Variants in CDH23 observed in about 807,000 individuals in gnomAD.
CDH23 encodes cadherin-23.
Under a neutral mutation model 317.1 loss-of-function variants are expected in CDH23, and 189 were observed. The observed-to-expected ratio is 0.60, with a 90% confidence interval of 0.53 to 0.67. The LOEUF (loss-of-function observed/expected upper bound fraction) is 0.67, where lower values mean the gene tolerates loss of function less well. Ranked by LOEUF, CDH23 falls within the 30% of genes least tolerant of loss-of-function variation. The pLI, the probability that CDH23 is intolerant of heterozygous loss-of-function variation, is 0.00. For missense variants in CDH23, 4,401 were observed against 4,592.4 expected, an observed-to-expected ratio of 0.96 and a Z score of 1.20; for synonymous variants, 1,839 against 1,876.8, an observed-to-expected ratio of 0.98 and a Z score of 0.52.
At chr10:71,518,958 C>T (rs1024511193) in intron 6 of CDH23, among the ~76,000 whole-genome samples, 16 of 152,334 alleles carry the variant, frequency 1.1e-4, no homozygotes, top group Admixed American at 3.3e-4. Context: ...AGGCTGTGGG[C>T]GTCCTCCACC....
intron 6 of CDH23, among the ~76,000 whole-genome samples, chr10:71,543,155 C>T (rs1323401179): frequency 2.0e-5 from 3 of 152,218 alleles, no homozygotes; most frequent in Admixed American, 1.3e-4. Flanking sequence ...CACCAAGGCC[C>T]GGAGAGCTGA....
At chr10:71,450,406 C>T (rs1850378058) in intron 3 of CDH23, among the ~76,000 whole-genome samples, 1 of 151,956 alleles carries the variant, frequency 6.6e-6, no homozygotes, top group African/African-American at 2.4e-5. Context: ...GCTGGGATTA[C>T]AGGCACACGC....
At chr10:71,403,382 T>TC (rs1847899513) in intron 1 of CDH23, among the ~76,000 whole-genome samples, 1 of 117,688 alleles carries the variant, frequency 8.5e-6, no homozygotes, top group African/African-American at 4.3e-5. Context: ...TTTCTTTCTT[T>TC]CTTTCTTTCT....
At chr10:71,672,784 G>A (rs1337742028) in intron 14 of CDH23, among the ~76,000 whole-genome samples, 1 of 152,142 alleles carries the variant, frequency 6.6e-6, no homozygotes, top group Admixed American at 6.5e-5. Context: ...AGGCCCCAGG[G>A]TGAAGGGGAT....
At chr10:71,622,495 G>C in intron 11 of CDH23, among the ~76,000 whole-genome samples, 1 of 152,186 alleles carries the variant, frequency 6.6e-6, no homozygotes, top group East Asian at 1.9e-4. Flanking sequence ...CCTCCGAAGA[G>C]TCAGACTAGC....
rs111033467 is a variant in CDH23, at chr10:71,810,494, G to A, written c.9002G>A (p.Arg3001Gln). Residue 3001 changes from arginine (R) to glutamine (Q), a missense_variant, in exon 62 of 70, where the codon CGG becomes CAG. Physicochemically the swap from Arg to Gln is conservative, Grantham distance 43. Coordinates refer to ENST00000224721, the MANE Select transcript of CDH23 (RefSeq NM_022124.6). The stretch of plus-strand genomic sequence containing the variant: ...TAGTTCCATGTGGACAAGAAGGGCC[G>A]GGTGAACTTTGCGCAGACAGAACTG... ...NVQFHVDKKG[R>Q]VNFAQTELLI... The A allele has an allele frequency of 2.7e-5, 44 of 1,613,964 alleles. No individual in the cohort carries two copies. Among genetic ancestry groups the A allele is most frequent in the East Asian group, 6.7e-5 (3 of 44,880 alleles).
chr10:71,632,077 G>C (rs1172998615), intron 11 of CDH23, among the ~76,000 whole-genome samples: 1 of 152,122 alleles, frequency 6.6e-6, no homozygotes, highest in Non-Finnish European at 1.5e-5. Flanking sequence ...AAGAATCTTT[G>C]CATGTGTTAA....
chr10:71,439,840 C>G lies in CDH23; in HGVS notation c.9C>G (p.Arg3=). Residue 3 remains arginine (R), a synonymous_variant, in exon 2 of 70, where the codon CGC becomes CGG. Transcript: ENST00000224721. ...TTGTGTCCCCAGGAGCCATGGGGCG[C>G]CATGTTGCCACCAGCTGCCACGTGG... The part of the protein sequence containing the change: MG[R]HVATSCHVAW... 1.3e-6 allele frequency: 2 copies of G among 1,566,836 alleles called. No homozygotes were observed. The highest frequency in any genetic ancestry group is 1.7e-6 in the Non-Finnish European group (2 of 1,154,754).
intron 9 of CDH23, 90 bp from the exon 10 acceptor site, chr10:71,615,414 C>T: frequency 1.2e-6 from 1 of 812,090 alleles, no homozygotes; most frequent in African/African-American, 1.7e-5. Flanking sequence ...CAGAGAGGAG[C>T]CCTGGCCCCA....
chr10:71,507,397 C>T (rs1043905693), intron 3 of CDH23, among the ~76,000 whole-genome samples: 4 of 152,138 alleles, frequency 2.6e-5, no homozygotes, highest in Non-Finnish European at 5.9e-5. Context: ...ATAAATTAAA[C>T]ATAAATAAAT....
chr10:71,802,285 G>A (rs1841577480), intron 53 of CDH23, among the ~76,000 whole-genome samples: 1 of 152,344 alleles, frequency 6.6e-6, no homozygotes, highest in Non-Finnish European at 1.5e-5. Context: ...TCCAGCCTGG[G>A]CAACAAGAGC....
At chr10:71,590,872 C>T (rs1859421667) in intron 9 of CDH23, among the ~76,000 whole-genome samples, 1 of 57,326 alleles carries the variant, frequency 1.7e-5, no homozygotes, top group Non-Finnish European at 3.9e-5. Flanking sequence ...GACCCTGTCT[C>T]TAAAAAAAAA....
At chr10:71,430,979 A>G (rs1216658442) in intron 1 of CDH23, among the ~76,000 whole-genome samples, 1 of 152,194 alleles carries the variant, frequency 6.6e-6, no homozygotes, top group Non-Finnish European at 1.5e-5. Context: ...GTCGGATAGC[A>G]TGAGTACCAC....
At chr10:71,581,170 G>A (rs1858601654) in intron 9 of CDH23, among the ~76,000 whole-genome samples, 1 of 152,258 alleles carries the variant, frequency 6.6e-6, no homozygotes, top group Non-Finnish European at 1.5e-5. Context: ...CACCCTGAGG[G>A]CATCTTCACA....
intron 35 of CDH23, 84 bp from the exon 36 acceptor site, chr10:71,739,557 AGAG>A: frequency 1.4e-5 from 21 of 1,502,714 alleles, no homozygotes; most frequent in Non-Finnish European, 1.9e-5. Flanking sequence ...CCACGTGGGC[AGAG>A]GAGGACCAGG....
chr10:71,701,936 A>G lies in CDH23; in HGVS notation c.2398-86A>G, dbSNP rs1865602443. ...CCAGGATGTCCCCTCCCCAGGACCA[A>G]CGTCTGAGCTCAGATACTCCCGGCC... is the stretch of plus-strand genomic sequence containing the variant. On this transcript the variant is annotated intron_variant, in intron 22 of 69. Transcript: ENST00000224721. 6.3e-6 allele frequency: 9 copies of G among 1,426,202 alleles called. No homozygotes were observed. The South Asian group carries it at 7.3e-5, about 12-fold the overall frequency. 88.3% of individuals were successfully genotyped at this position (1,426,202 alleles called of 1,614,324 possible). A position where few individuals can be genotyped will look rare whatever the true frequency, so the allele number is the denominator to read the frequency against.
chr10:71,688,154 C>T lies in CDH23; in HGVS notation c.2059+435C>T, dbSNP rs142643151. On this transcript the variant is annotated intron_variant, in intron 19 of 69. Transcript: ENST00000224721. The stretch of plus-strand genomic sequence containing the variant: ...CCTATGTGAGGATGCGATTGAGAGG[C>T]TAATCTCTGGGCCAGGCTCAGGTTG... 1.9e-4 allele frequency among the ~76,000 whole-genome samples: 29 copies of T among 152,276 alleles called. No homozygotes were observed. The East Asian group carries it at 5.4e-3, about 28-fold the overall frequency.
chr10:71,465,253 C>T lies in CDH23; in HGVS notation c.145+18858C>T, dbSNP rs1016700311. 3.9e-5 allele frequency among the ~76,000 whole-genome samples: 6 copies of T among 152,348 alleles called. No homozygotes were observed. The East Asian group carries it at 9.6e-4, about 24-fold the overall frequency. The stretch of plus-strand genomic sequence containing the variant: ...AATGGCAGTGAAGTCTGTTGCACAG[C>T]GCTGGTATAGAGTTGTATTTTATAA... On this transcript the variant is annotated intron_variant, in intron 3 of 69. Coordinates refer to ENST00000224721, the MANE Select transcript of CDH23 (RefSeq NM_022124.6).
At position 71,455,948 on chromosome 10, in the gene CDH23, C is replaced by T. The variant is rs533517974; in HGVS notation, c.145+9553C>T. Among the ~76,000 whole-genome samples the T allele has an allele frequency of 2.2e-4, 33 of 152,254 alleles. No individual in the cohort carries two copies. The South Asian group carries it at 3.9e-3, about 18-fold the overall frequency. ...GGGGTCCGGATTGCAGCTGCCCTGA[C>T]TTCGCACACCAGCTGCAGAGGGAAT... On this transcript the variant is annotated intron_variant, in intron 3 of 69. Coordinates refer to ENST00000224721, the MANE Select transcript of CDH23 (RefSeq NM_022124.6).
Sources: allele counts gnomAD v4.1 joint callset (sites outside exome capture counted in the v4.1 genomes callset), GRCh38; gene constraint gnomAD v4.1.1; transcripts MANE v1.5; gene names NCBI Gene and HGNC (gene_info 2026-07-23, HGNC 2026-07-21).